Variants in GPHN observed in about 807,000 individuals in gnomAD.
GPHN encodes gephyrin.
In GPHN, 17 loss-of-function variants were observed where a neutral mutation model predicts 95.5. The observed-to-expected ratio is 0.18, with a 90% CI of 0.12 to 0.27. The LOEUF (loss-of-function observed/expected upper bound fraction) is 0.27. Among genes scored for constraint, GPHN ranks in the 10% least tolerant of loss-of-function variants. The pLI is 1.00. For synonymous variants in GPHN, 320 were observed against 322.5 expected (o/e 0.99, Z 0.08); for missense variants, 660 against 978.1 (o/e 0.67, Z 4.34).
the GPHN span, among the ~76,000 whole-genome samples, chr14:67,441,635 T>C: frequency 2.0e-5 from 3 of 151,688 alleles, no homozygotes; most frequent in Non-Finnish European, 4.4e-5. Context: ...CTGGGATTAC[T>C]ATTTGAATCA....
chr14:66,804,536 T>G (rs2060474297), intron 3 of GPHN, among the ~76,000 whole-genome samples: 1 of 152,232 alleles, frequency 6.6e-6, no homozygotes, highest in Non-Finnish European at 1.5e-5. Flanking sequence ...GAGCTTGGGT[T>G]TATTCAAATT....
chr14:67,474,340 C>A, the GPHN span, among the ~76,000 whole-genome samples: 1 of 152,172 alleles, frequency 6.6e-6, no homozygotes, highest in Non-Finnish European at 1.5e-5. Context: ...CCAAATGCTA[C>A]TTAGAGGGAG....
chr14:67,343,170 C>T, the GPHN span, among the ~76,000 whole-genome samples: 1 of 152,164 alleles, frequency 6.6e-6, no homozygotes, highest in African/African-American at 2.4e-5. Context: ...GTAACTCCCC[C>T]AGATCATACA....
At chr14:67,729,961 G>T in the GPHN span, 1 of 378,172 alleles carries the variant, frequency 2.6e-6, no homozygotes, top group South Asian at 2.0e-5. Flanking sequence ...CTGCTCTGTT[G>T]TCCCGCTTTG....
chr14:67,382,300 T>C, the GPHN span: 2 of 603,078 alleles, frequency 3.3e-6, no homozygotes, highest in Non-Finnish European at 5.5e-6. Context: ...GCCAATTCTG[T>C]AGGACCCTAA....
At chr14:67,454,896 C>T in the GPHN span, among the ~76,000 whole-genome samples, 7 of 150,912 alleles carry the variant, frequency 4.6e-5, no homozygotes, top group African/African-American at 1.5e-4. Flanking sequence ...TTTTTTGAGA[C>T]GGAGTCTCAC....
the GPHN span, among the ~76,000 whole-genome samples, chr14:67,697,257 T>G: frequency 2.0e-5 from 3 of 152,174 alleles, no homozygotes; most frequent in Admixed American, 6.5e-5. Flanking sequence ...TAGAGAAAGC[T>G]CTGGGAGCTT....
intron 1 of GPHN, among the ~76,000 whole-genome samples, chr14:66,659,326 A>T (rs1282876103): frequency 2.0e-5 from 3 of 151,888 alleles, no homozygotes; most frequent in Non-Finnish European, 1.5e-5. Context: ...TATTTCAATT[A>T]TTTTACAATA....
At chr14:66,693,204 C>T (rs6573709) in intron 2 of GPHN, among the ~76,000 whole-genome samples, 47,335 of 151,944 alleles carry the variant, frequency 0.31, 11,191 homozygotes, top group African/African-American at 0.64. Context: ...ACTGTTTCTA[C>T]GTTTAATCTG....
chr14:67,724,731 C>A, the GPHN span: 1 of 724,504 alleles, frequency 1.4e-6, no homozygotes, highest in Non-Finnish European at 2.5e-6. Flanking sequence ...GATTCAAGTC[C>A]AACTGTGACA....
chr14:66,663,797 C>G (rs183474444), intron 1 of GPHN, among the ~76,000 whole-genome samples: 17 of 151,294 alleles, frequency 1.1e-4, no homozygotes, highest in Non-Finnish European at 8.8e-5. Context: ...ATTTACAAAG[C>G]AAATGGAAAA....
At chr14:66,761,216 A>G (rs745499743) in intron 2 of GPHN, among the ~76,000 whole-genome samples, 3 of 152,230 alleles carry the variant, frequency 2.0e-5, no homozygotes, top group Non-Finnish European at 4.4e-5. Flanking sequence ...TCACTGATAG[A>G]TATACTTAAT....
the GPHN span, among the ~76,000 whole-genome samples, chr14:67,637,719 A>T: frequency 1.3e-5 from 2 of 152,202 alleles, no homozygotes; most frequent in African/African-American, 2.4e-5. Flanking sequence ...CAGTTATGTA[A>T]TTAACTAGAA....
chr14:66,678,636 A>G (rs912473476), intron 1 of GPHN, among the ~76,000 whole-genome samples: 9 of 131,298 alleles, frequency 6.9e-5, no homozygotes, highest in Non-Finnish European at 1.2e-4. Flanking sequence ...GCAGTGTCAT[A>G]TTTCCTTTTT....
chr14:67,372,841 AAAAC>A, the GPHN span, among the ~76,000 whole-genome samples: 8 of 152,182 alleles, frequency 5.3e-5, no homozygotes, highest in Non-Finnish European at 8.8e-5. Flanking sequence ...AAAAAAACAA[AAAAC>A]AAACAAAAAA....
the GPHN span, chr14:67,200,133 C>G: frequency 3.6e-6 from 4 of 1,107,582 alleles, no homozygotes; most frequent in East Asian, 9.7e-5. Context: ...GGCCTCCATT[C>G]TGATCTCCCA....
At chr14:67,499,051 G>A in the GPHN span, among the ~76,000 whole-genome samples, 1 of 151,880 alleles carries the variant, frequency 6.6e-6, no homozygotes, top group South Asian at 2.1e-4. Context: ...TGCCCAGGCT[G>A]GAGTTCAGTG....
the GPHN span, chr14:67,467,360 C>T: frequency 6.6e-6 from 1 of 152,110 alleles, no homozygotes; most frequent in Non-Finnish European, 1.5e-5. Context: ...GTTTCAAACA[C>T]TCTGAAGGTA....
At chr14:66,801,567 T>G in intron 3 of GPHN, among the ~76,000 whole-genome samples, 1 of 141,582 alleles carries the variant, frequency 7.1e-6, no homozygotes, top group African/African-American at 2.6e-5. Context: ...CTCTCCCCGC[T>G]GCCCCTCTCC....
Sources: allele counts gnomAD v4.1 joint callset (sites outside exome capture counted in the v4.1 genomes callset), GRCh38; gene constraint gnomAD v4.1.1; transcripts MANE v1.5; gene names NCBI Gene and HGNC (gene_info 2026-07-23, HGNC 2026-07-21).